SOX5: variants seen among roughly 807,000 people sequenced by gnomAD.
SOX5 encodes SRY-box transcription factor 5, also known as transcription factor SOX-5.
SOX5 carries 9 observed loss-of-function variants against 92.0 expected under a neutral mutation model. That is an observed-to-expected ratio of 0.10 (90% CI 0.06 to 0.17). The LOEUF (loss-of-function observed/expected upper bound fraction) is 0.17. Among genes scored for constraint, SOX5 ranks in the 10% least tolerant of loss-of-function variants. The pLI, the probability that SOX5 is intolerant of heterozygous loss-of-function variation, is 1.00. For synonymous variants in SOX5, 344 were observed against 336.3 expected (o/e 1.02, Z -0.25); for missense variants, 642 against 944.5 (o/e 0.68, Z 4.20).
chr12:23,974,597 TA>T (rs895690362), intron 4 of SOX5, among the ~76,000 whole-genome samples: 18 of 152,164 alleles, frequency 1.2e-4, no homozygotes, highest in African/African-American at 4.1e-4. Flanking sequence ...TTCAAACAGT[TA>T]GGTGCATTCT....
chr12:24,094,454 CTT>C (rs5797062), intron 4 of SOX5, among the ~76,000 whole-genome samples: 5,952 of 127,708 alleles, frequency 0.047, 127 homozygotes, highest in South Asian at 0.084. Flanking sequence ...CTATTAGTGG[CTT>C]TTTTTTTTTT....
intron 4 of SOX5, among the ~76,000 whole-genome samples, chr12:23,970,183 T>A (rs1948062763): frequency 6.6e-6 from 1 of 152,072 alleles, no homozygotes. Flanking sequence ...AAATAATGAC[T>A]CCTTCCCTCT....
intron 4 of SOX5, among the ~76,000 whole-genome samples, chr12:24,008,109 A>G (rs923828293): frequency 4.6e-5 from 7 of 152,056 alleles, no homozygotes; most frequent in African/African-American, 1.7e-4. Context: ...TAAGATTGCT[A>G]TTTTTCTAGT....
At chr12:23,844,410 AAC>A (rs1049594308) in intron 3 of SOX5, among the ~76,000 whole-genome samples, 1 of 152,230 alleles carries the variant, frequency 6.6e-6, no homozygotes, top group Non-Finnish European at 1.5e-5. Context: ...TATGAAAATA[AAC>A]ACTAAAAAAC....
intron 3 of SOX5, among the ~76,000 whole-genome samples, chr12:23,788,388 C>G (rs902005890): frequency 6.6e-6 from 1 of 151,832 alleles, no homozygotes; most frequent in Middle Eastern, 3.2e-3. Flanking sequence ...ACACACAAAC[C>G]TGAGTGAAAA....
At chr12:23,756,655 G>A (rs1486255081) in intron 3 of SOX5, among the ~76,000 whole-genome samples, 1 of 151,850 alleles carries the variant, frequency 6.6e-6, no homozygotes, top group Non-Finnish European at 1.5e-5. Flanking sequence ...AAAGATAAGT[G>A]TCCCAGTATG....
At chr12:23,584,943 T>A (rs556886866) in intron 9 of SOX5, among the ~76,000 whole-genome samples, 1 of 152,240 alleles carries the variant, frequency 6.6e-6, no homozygotes, top group Admixed American at 6.5e-5. Flanking sequence ...TTTTCATTTT[T>A]AAAGTGATCT....
chr12:23,991,976 T>C (rs1236750992), intron 4 of SOX5, among the ~76,000 whole-genome samples: 1 of 152,168 alleles, frequency 6.6e-6, no homozygotes, highest in Non-Finnish European at 1.5e-5. Context: ...TCTTATACTA[T>C]GCAGCTTTCC....
chr12:23,757,586 C>A (rs2094432951), intron 3 of SOX5, among the ~76,000 whole-genome samples: 1 of 151,824 alleles, frequency 6.6e-6, no homozygotes, highest in African/African-American at 2.4e-5. Flanking sequence ...TTCCAGCACT[C>A]TACAAAAATT....
chr12:24,344,388 T>C (rs906172484), intron 2 of SOX5, among the ~76,000 whole-genome samples: 1 of 151,940 alleles, frequency 6.6e-6, no homozygotes, highest in Non-Finnish European at 1.5e-5. Context: ...CATTGCTGCT[T>C]GGCCAGTTTG....
At chr12:24,220,643 C>G (rs981567552) in intron 3 of SOX5, among the ~76,000 whole-genome samples, 1 of 152,136 alleles carries the variant, frequency 6.6e-6, no homozygotes, top group Admixed American at 6.5e-5. Flanking sequence ...ACCCAGTCTT[C>G]CACCACAGCA....
intron 2 of SOX5, among the ~76,000 whole-genome samples, chr12:24,335,592 C>A (rs552148128): frequency 6.6e-6 from 1 of 152,024 alleles, no homozygotes; most frequent in South Asian, 2.1e-4. Context: ...GGTTCCAGGA[C>A]CTTAACGACC....
intron 1 of SOX5, among the ~76,000 whole-genome samples, chr12:24,513,920 T>G (rs1949547757): frequency 6.6e-6 from 1 of 152,246 alleles, no homozygotes; most frequent in Admixed American, 6.5e-5. Flanking sequence ...TCCTTTCCAC[T>G]GCTAGACAGC....
chr12:23,621,085 C>T (rs539066002), intron 8 of SOX5, among the ~76,000 whole-genome samples: 43 of 152,134 alleles, frequency 2.8e-4, no homozygotes, highest in Middle Eastern at 3.4e-3. Context: ...TATACATCCA[C>T]AATTCTTAAC....
intron 6 of SOX5, among the ~76,000 whole-genome samples, chr12:23,705,467 T>C (rs1357291391): frequency 1.3e-5 from 2 of 151,874 alleles, no homozygotes; most frequent in African/African-American, 2.4e-5. Flanking sequence ...ATCTTTCTAA[T>C]GTTGAGGGGG....
chr12:23,976,985 C>T (rs1357126769), intron 4 of SOX5, among the ~76,000 whole-genome samples: 1 of 152,010 alleles, frequency 6.6e-6, no homozygotes, highest in African/African-American at 2.4e-5. Flanking sequence ...AAGATGGGAC[C>T]ATTTCCCAAA....
At chr12:23,855,149 G>C (rs570350596) in intron 2 of SOX5, among the ~76,000 whole-genome samples, 128 of 152,084 alleles carry the variant, frequency 8.4e-4, no homozygotes, top group African/African-American at 3.0e-3. Context: ...GCCAAATATA[G>C]AATATGCCTA....
At chr12:23,627,013 T>C (rs1057514235) in intron 8 of SOX5, among the ~76,000 whole-genome samples, 4 of 152,208 alleles carry the variant, frequency 2.6e-5, no homozygotes, top group East Asian at 1.9e-4. Context: ...GAGGTTAGAA[T>C]GGATCATCAT....
chr12:24,318,527 T>C (rs1235036321), intron 2 of SOX5, among the ~76,000 whole-genome samples: 2 of 152,214 alleles, frequency 1.3e-5, no homozygotes, highest in African/African-American at 2.4e-5. Flanking sequence ...CAGAGAGACA[T>C]GCTTTTATCT....
Sources: allele counts gnomAD v4.1 joint callset (sites outside exome capture counted in the v4.1 genomes callset), GRCh38; gene constraint gnomAD v4.1.1; transcripts MANE v1.5; gene names NCBI Gene and HGNC (gene_info 2026-07-23, HGNC 2026-07-21).